The following MLH3 variants were observed in gnomAD, a reference collection of about 807,000 sequenced individuals.
The protein encoded by MLH3 is mutL homolog 3.
In MLH3, 82 loss-of-function variants were observed where a neutral mutation model predicts 122.2. The observed-to-expected ratio is 0.67, with a 90% CI of 0.56 to 0.81. The LOEUF (loss-of-function observed/expected upper bound fraction) is 0.81. Ranked by LOEUF, MLH3 falls within the 30% of genes least tolerant of loss-of-function variation. The pLI is 0.00. For synonymous variants in MLH3, 524 were observed against 599.5 expected (o/e 0.87, Z 1.84); for missense variants, 1,539 against 1,714.5 (o/e 0.90, Z 1.81).
In MLH3 at chr14:75,050,086, A is replaced by G. The variant is rs146369167; in HGVS notation, c.-63-368T>C. 1.4e-4 allele frequency among the ~76,000 whole-genome samples: 22 copies of G among 152,350 alleles called. No homozygotes were observed. The East Asian group carries it at 4.2e-3, about 29-fold the overall frequency. On this transcript the variant is annotated intron_variant, in intron 1 of 12. Coordinates refer to ENST00000355774, the MANE Select transcript of MLH3 (RefSeq NM_001040108.2). ...GAACATTAGCTAGAAATTATTCATGACAAAAATGTCCAAGCTAGTTTCATA... is the reference window on the plus strand; with the variant it reads ...GAACATTAGCTAGAAATTATTCATGGCAAAAATGTCCAAGCTAGTTTCATA...
chr14:75,049,856 G>A (rs1027268112), intron 1 of MLH3, 138 bp from the exon 2 acceptor site: 31 of 637,838 alleles, frequency 4.9e-5, no homozygotes, highest in Middle Eastern at 8.4e-4. Context: ...AAGTTATACC[G>A]CTGATCTCTA....
chr14:75,042,130 T>A (rs1891897163), intron 3 of MLH3, among the ~76,000 whole-genome samples: 1 of 152,200 alleles, frequency 6.6e-6, no homozygotes, highest in Admixed American at 6.5e-5. Context: ...AAGAAACATG[T>A]CCCCTAATCA....
chr14:75,020,166 G>T (rs1468572677), intron 11 of MLH3, among the ~76,000 whole-genome samples: 2 of 152,158 alleles, frequency 1.3e-5, no homozygotes, highest in East Asian at 3.9e-4. Flanking sequence ...GGAAGCAGAA[G>T]ACCAAAAAAG....
At chr14:75,036,770 T>TA (rs758595110) in intron 6 of MLH3, 2 of 456,216 alleles carry the variant, frequency 4.4e-6, no homozygotes, top group Non-Finnish European at 4.4e-6. Flanking sequence ...CCAGAAGTCA[T>TA]CTTTTACATA....
rs1280419101 is a variant in MLH3 at position 75,030,696 on chromosome 14, G to A, written c.3834C>T (p.Tyr1278=). Residue 1278 remains tyrosine, a synonymous_variant, in exon 9 of 13, where the codon TAC becomes TAT. Coordinates refer to ENST00000355774, the MANE Select transcript of MLH3 (RefSeq NM_001040108.2). ...GGCCCAGATCTTCCAGATTTTTGTG[G>A]TAACACCTAAAGAGATAACCTCAAA... ...TEEQRRLLWC[Y]HKNLEDLGLE... The A allele has an allele frequency of 5.0e-6, 8 of 1,613,182 alleles. No individual in the cohort carries two copies. The Admixed American group carries it at 1.0e-4, about 20-fold the overall frequency.
At chr14:75,035,436 C>T (rs191674122) in intron 6 of MLH3, among the ~76,000 whole-genome samples, 81 of 152,248 alleles carry the variant, frequency 5.3e-4, no homozygotes, top group African/African-American at 1.9e-3. Flanking sequence ...GCTGGTGAAC[C>T]GCTTGAACCC....
chr14:75,040,449 C>CAAAAAAAAAAAAAAAAAA (rs36233766), intron 4 of MLH3, among the ~76,000 whole-genome samples: 6 of 35,594 alleles, frequency 1.7e-4, no homozygotes, highest in Non-Finnish European at 2.5e-4. Context: ...GACTCTGTCA[C>CAAAAAAAAAAAAAAAAAA]AAAAAAAAAA....
intron 6 of MLH3, among the ~76,000 whole-genome samples, chr14:75,036,151 C>T (rs1057342952): frequency 1.1e-4 from 16 of 152,078 alleles, no homozygotes; most frequent in Non-Finnish European, 2.1e-4. Flanking sequence ...CTGGTTCATC[C>T]TCTTCTACCG....
rs373332183 is a variant in MLH3 at position 75,030,643 on chromosome 14, T to C, written c.3887A>G (p.Asp1296Gly). Residue 1296 changes from aspartate to glycine, a missense_variant, in exon 9 of 13, where the codon GAT becomes GGT. By Grantham distance (94) the Asp-to-Gly change is moderately conservative. Coordinates refer to ENST00000355774, the MANE Select transcript of MLH3 (RefSeq NM_001040108.2). ...TACTTTTCCCACAAGGACCAGAGAA[T>C]CACTAGTGTCTGGAAATACAAATTC... ...GLEFVFPDTS[D>G]SLVLVGKVPL... 7 of 1,613,884 alleles carry C rather than the reference T, an allele frequency of 4.3e-6. No individual in the cohort carries two copies. Among genetic ancestry groups the C allele is most frequent in the Non-Finnish European group, 5.9e-6 (7 of 1,179,942 alleles).
At chr14:75,040,245 C>T (rs561641630) in intron 4 of MLH3, among the ~76,000 whole-genome samples, 7 of 151,262 alleles carry the variant, frequency 4.6e-5, no homozygotes, top group African/African-American at 7.3e-5. Flanking sequence ...GTCAGGAGAT[C>T]GAGACCATCC....
chr14:75,051,265 C>G (rs1892645293), intron 1 of MLH3, 115 bp downstream of exon 1: 1 of 152,344 alleles, frequency 6.6e-6, no homozygotes, highest in Non-Finnish European at 1.5e-5. Flanking sequence ...CGCCGGGCCT[C>G]CGGGGCCCTC....
intron 9 of MLH3, among the ~76,000 whole-genome samples, chr14:75,025,623 G>A (rs1222657890): frequency 6.6e-6 from 1 of 151,966 alleles, no homozygotes; most frequent in Non-Finnish European, 1.5e-5. Context: ...TATTCTCCCT[G>A]GACAACCTCA....
At chr14:75,026,942 T>C (rs1277811824) in intron 9 of MLH3, among the ~76,000 whole-genome samples, 2 of 151,842 alleles carry the variant, frequency 1.3e-5, no homozygotes, top group Non-Finnish European at 2.9e-5. Context: ...CTGCTAAAGA[T>C]ACAAAAATTA....
rs1889869302 is a variant in MLH3, at chr14:75,016,058, A to G, written c.*1024T>C. 2 of 228,144 alleles carry G rather than the reference A, an allele frequency of 8.8e-6. No homozygotes were observed. Among genetic ancestry groups the G allele is most frequent in the African/African-American group, 4.4e-5 (2 of 45,040 alleles). The allele number at this position is 228,144 out of a possible 1,614,324, so 14.1% of individuals were successfully genotyped here. ...AATTTTAGTCTGTTGAGTCCTATTA[A>G]CCACAAATCATGTGAAAAGGTGCGG... On this transcript the variant is annotated 3_prime_UTR_variant, in exon 13 of 13. Coordinates refer to ENST00000355774, the MANE Select transcript of MLH3 (RefSeq NM_001040108.2).
intron 6 of MLH3, among the ~76,000 whole-genome samples, chr14:75,034,561 A>G (rs1011192000): frequency 6.6e-6 from 1 of 152,220 alleles, no homozygotes; most frequent in Admixed American, 6.5e-5. Context: ...TTATTTATGG[A>G]CACTGAAATA....
Position 75,015,893 on chromosome 14 carries a change from T to A in MLH3, c.*1189A>T. 1 of 230,426 alleles carries A rather than the reference T, an allele frequency of 4.3e-6. No individual in the cohort carries two copies. The highest frequency in any genetic ancestry group is 8.6e-6 in the Non-Finnish European group (1 of 116,340). The allele number at this position is 230,426 out of a possible 1,614,324, so 14.3% of individuals were successfully genotyped here. The stretch of plus-strand genomic sequence containing the variant: ...TTAAAAAATGAGGAAAATCATTCAA[T>A]TGATATAAAAGCCACTTTGAGCAGG... On this transcript the variant is annotated 3_prime_UTR_variant, in exon 13 of 13. Transcript: ENST00000355774.
At chr14:75,029,242 T>C (rs778500381) in intron 9 of MLH3, among the ~76,000 whole-genome samples, 7 of 151,766 alleles carry the variant, frequency 4.6e-5, no homozygotes, top group Non-Finnish European at 1.0e-4. Flanking sequence ...AAATGAATCA[T>C]CATAAAGGTC....
intron 7 of MLH3, among the ~76,000 whole-genome samples, chr14:75,032,867 A>G (rs535868398): frequency 1.3e-5 from 2 of 150,550 alleles, no homozygotes; most frequent in African/African-American, 4.9e-5. Flanking sequence ...ATTGCTTTGG[A>G]AAGATAGATT....
intron 9 of MLH3, among the ~76,000 whole-genome samples, chr14:75,028,416 A>ATT (rs34129769): frequency 7.4e-4 from 95 of 128,134 alleles, no homozygotes; most frequent in Middle Eastern, 3.9e-3. Context: ...TTTCCCCCCA[A>ATT]TTTTTTTTTT....
Sources: allele counts gnomAD v4.1 joint callset (sites outside exome capture counted in the v4.1 genomes callset), GRCh38; gene constraint gnomAD v4.1.1; transcripts MANE v1.5; gene names NCBI Gene and HGNC (gene_info 2026-07-23, HGNC 2026-07-21).